Variants in PARP2 observed in about 807,000 individuals in gnomAD.
PARP2 encodes poly(ADP-ribose) polymerase 2.
PARP2 carries 57 observed loss-of-function variants against 77.8 expected under a neutral mutation model. That is an observed-to-expected ratio of 0.73 (90% CI 0.59 to 0.91). The LOEUF (loss-of-function observed/expected upper bound fraction) is 0.91. PARP2 is among the 40% of genes least tolerant of loss of function. PARP2 has a pLI of 0.00. For missense variants in PARP2, 651 were observed against 689.0 expected (o/e 0.94, Z 0.62); for synonymous variants, 226 against 242.6 (o/e 0.93, Z 0.64).
chr14:20,355,457 C>T (rs1253015324), intron 9 of PARP2: 1 of 229,500 alleles, frequency 4.4e-6, no homozygotes, highest in African/African-American at 2.3e-5. Flanking sequence ...CTGTATCCAA[C>T]TGTTCCCTGT....
intron 7 of PARP2, chr14:20,352,598 G>A (rs1004825190): frequency 3.9e-6 from 1 of 257,734 alleles, no homozygotes. Context: ...ATGTTGCCCA[G>A]GCTGGTCTCG....
intron 1 of PARP2, among the ~76,000 whole-genome samples, chr14:20,344,721 G>A (rs767398570): frequency 1.3e-5 from 2 of 152,178 alleles, no homozygotes; most frequent in Admixed American, 6.5e-5. Context: ...GCTGAGGCAC[G>A]AGAATCACTT....
intron 1 of PARP2, among the ~76,000 whole-genome samples, chr14:20,344,073 T>A (rs991397296): frequency 1.3e-5 from 2 of 152,064 alleles, no homozygotes; most frequent in Non-Finnish European, 2.9e-5. Flanking sequence ...AAAATGCGAG[T>A]CTTAGACCTA....
At position 20,354,840 on chromosome 14, in the gene PARP2, T is replaced by A; in HGVS notation, c.795T>A (p.Gly265=). Residue 265 remains glycine, a synonymous_variant, in exon 9 of 16, where the codon GGT becomes GGA. Transcript: ENST00000429687. ...TGACAGTGGCACAAATCAAGGCAGG[T>A]TACCAGTCTCTTAAGAAGATTGAGG... ...GKLTVAQIKA[G]YQSLKKIEDC... is the part of the protein sequence containing the mutation. 6.2e-7 allele frequency: 1 copy of A among 1,613,844 alleles called. No homozygotes were observed. The highest frequency in any genetic ancestry group is 8.5e-7 in the Non-Finnish European group (1 of 1,179,904).
chr14:20,344,553 T>C (rs1883635580), intron 1 of PARP2, among the ~76,000 whole-genome samples: 1 of 152,238 alleles, frequency 6.6e-6, no homozygotes, highest in Non-Finnish European at 1.5e-5. Context: ...GTGAGGTGGC[T>C]CACGCCTGTA....
intron 6 of PARP2, among the ~76,000 whole-genome samples, chr14:20,351,521 C>T (rs763253366): frequency 5.3e-5 from 8 of 152,058 alleles, no homozygotes; most frequent in African/African-American, 1.2e-4. Context: ...AAAAACTTTT[C>T]GTTTTATAGG....
At chr14:20,346,287 C>T (rs988224192) in intron 3 of PARP2, among the ~76,000 whole-genome samples, 10 of 150,002 alleles carry the variant, frequency 6.7e-5, no homozygotes, top group Non-Finnish European at 3.0e-5. Context: ...AGAAGGCTAC[C>T]TCTGGAATAA....
intron 1 of PARP2, 54 bp from the exon 2 acceptor site, chr14:20,344,878 A>T (rs1883651782): frequency 9.3e-7 from 1 of 1,079,842 alleles, no homozygotes; most frequent in African/African-American, 1.6e-5. Context: ...AATCTTTAAA[A>T]TCTACACGTA....
At chr14:20,351,917 T>C (rs1247462925) in intron 6 of PARP2, among the ~76,000 whole-genome samples, 1 of 152,188 alleles carries the variant, frequency 6.6e-6, no homozygotes, top group Non-Finnish European at 1.5e-5. Flanking sequence ...ATGATATAGA[T>C]GAAGAACTTT....
At chr14:20,349,234 T>C (rs981522321) in intron 4 of PARP2, among the ~76,000 whole-genome samples, 1 of 152,026 alleles carries the variant, frequency 6.6e-6, no homozygotes, top group African/African-American at 2.4e-5. Context: ...GTGGGAGGAT[T>C]GCTTGAGCCT....
At chr14:20,355,541 C>T in intron 9 of PARP2, 1 of 356,626 alleles carries the variant, frequency 2.8e-6, no homozygotes, top group Non-Finnish European at 5.0e-6. Flanking sequence ...AGTCAAAATC[C>T]ACATAGTTCA....
At chr14:20,349,157 G>A (rs571207558) in intron 4 of PARP2, among the ~76,000 whole-genome samples, 2 of 151,928 alleles carry the variant, frequency 1.3e-5, no homozygotes, top group African/African-American at 4.8e-5. Flanking sequence ...GGGCAACATG[G>A]TGAAACCTTG....
In PARP2 at chr14:20,345,480, A is replaced by AC. The variant is rs763647419; in HGVS notation, c.273+18dup. On this transcript the variant is annotated intron_variant, in intron 3 of 15. Transcript: ENST00000429687. ...GGTGGGGAAGGTAAGAGACTCTGGA[A>AC]CCGATCTTCAGTCCATGGATATCTC... 3 of 1,592,134 alleles carry AC rather than the reference A, an allele frequency of 1.9e-6. No homozygotes were observed. The Admixed American group carries it at 5.0e-5, about 27-fold the overall frequency.
In PARP2 at chr14:20,344,668, CTG is replaced by C. The variant is rs565937101; in HGVS notation, c.47-263_47-262del. Among the ~76,000 whole-genome samples the C allele has an allele frequency of 3.7e-3, 559 of 152,232 alleles. 4 individuals carry two copies. Among genetic ancestry groups the C allele is most frequent in the African/African-American group, 0.013 (546 of 41,550 alleles). On this transcript the variant is annotated intron_variant, in intron 1 of 15. Transcript: ENST00000429687. Reference sequence around the variant, plus strand: ...TCTCTACTAAAAATACAAAAATTAACTGGGCATGGTGGTGCACGCCTGTAATC... The same window carrying C: ...TCTCTACTAAAAATACAAAAATTAACGGCATGGTGGTGCACGCCTGTAATC...
In PARP2 at chr14:20,350,615, G is replaced by C; in HGVS notation, c.414G>C (p.Trp138Cys). Reference sequence around the variant, plus strand: ...GGAACTTCAGTGTTTGGATGAGATGGGGCCGAGGTAATGATTTTTATTGAG... The same window carrying C: ...GGAACTTCAGTGTTTGGATGAGATGCGGCCGAGGTAATGATTTTTATTGAG... ...AQRNFSVWMR[W>C]GRVGKMGQHS... The change falls in exon 5 of 16, where the codon TGG becomes TGC. Residue 138 changes from tryptophan to cysteine, a missense_variant. Trp to Cys is a radical substitution (Grantham distance 215). Coordinates refer to ENST00000429687, the MANE Select transcript of PARP2 (RefSeq NM_001042618.2). 3.8e-6 allele frequency: 6 copies of C among 1,591,606 alleles called. No homozygotes were observed. Among genetic ancestry groups the C allele is most frequent in the Non-Finnish European group, 4.3e-6 (5 of 1,159,564 alleles).
rs1349185735 is a variant in PARP2 at position 20,357,733 on chromosome 14, AC to A, written c.1653del (p.Asn552ThrfsTer9). On this transcript the variant is annotated frameshift_variant, in exon 16 of 16. Coordinates refer to ENST00000429687, the MANE Select transcript of PARP2 (RefSeq NM_001042618.2). LOFTEE classifies it high-confidence loss of function. ...TLNYNEYIVY[N>X]PNQVRMRYLL... ...AACTACAATGAATATATTGTATATA[AC>A]CCCAACCAGGTCCGTATGCGGTACC... 6.2e-7 allele frequency: 1 copy of A among 1,613,730 alleles called. No homozygotes were observed. Among genetic ancestry groups the A allele is most frequent in the Admixed American group, 1.7e-5 (1 of 59,960 alleles).
At chr14:20,347,368 A>G (rs1211542177) in intron 4 of PARP2, among the ~76,000 whole-genome samples, 738 of 10,662 alleles carry the variant, frequency 0.069, 39 homozygotes, top group Non-Finnish European at 0.095. Context: ...ATATATATAT[A>G]TATATATATA....
chr14:20,347,376 ATATATATATATATATATATATATTTTT>A (rs1883787241), intron 4 of PARP2, among the ~76,000 whole-genome samples: 2 of 13,252 alleles, frequency 1.5e-4, no homozygotes, highest in Non-Finnish European at 1.4e-4. Flanking sequence ...ATATATATAT[ATATATATATATATATATATATATTTTT>A]TTTTTTTTTT....
chr14:20,347,067 C>T (rs1883753639), intron 4 of PARP2, among the ~76,000 whole-genome samples, 154 bp downstream of exon 4: 1 of 142,962 alleles, frequency 7.0e-6, no homozygotes. Context: ...CTCACTTCAT[C>T]TCTCAGGCTG....
Sources: gnomAD v4.1 joint callset for allele counts (sites outside exome capture counted in the v4.1 genomes callset) on GRCh38, gnomAD v4.1.1 for gene constraint, MANE v1.5 for transcripts, NCBI Gene and HGNC (gene_info 2026-07-23, HGNC 2026-07-21) for gene names.